STPG2: variants seen among roughly 807,000 people sequenced by gnomAD.
The protein encoded by STPG2 is sperm tail PG-rich repeat containing 2, also known as sperm-tail PG-rich repeat-containing protein 2.
In STPG2, 56 loss-of-function variants were observed where a neutral mutation model predicts 54.2. That is an observed-to-expected ratio of 1.03 (90% CI 0.83 to 1.29). The LOEUF (loss-of-function observed/expected upper bound fraction) is 1.29, where lower values mean the gene tolerates loss of function less well. STPG2 is among the 50% of genes most tolerant of loss of function. The pLI, the probability that STPG2 is intolerant of heterozygous loss-of-function variation, is 0.00. For synonymous variants in STPG2, 200 were observed against 181.8 expected (o/e 1.10, Z -0.81); for missense variants, 596 against 544.9 (o/e 1.09, Z -0.93).
At chr4:97,904,828 G>A (rs941888904) in intron 8 of STPG2, among the ~76,000 whole-genome samples, 7 of 152,210 alleles carry the variant, frequency 4.6e-5, no homozygotes, top group Admixed American at 2.0e-4. Context: ...CTCAGAAGCC[G>A]ATGCAATCAA....
At chr4:98,113,532 G>C (rs1739421082) in intron 3 of STPG2, among the ~76,000 whole-genome samples, 1 of 152,012 alleles carries the variant, frequency 6.6e-6, no homozygotes, top group Non-Finnish European at 1.5e-5. Context: ...CAGTGGGCTT[G>C]AATTATTGAT....
chr4:97,814,432 G>T (rs1261919739), intron 9 of STPG2, among the ~76,000 whole-genome samples: 1 of 152,060 alleles, frequency 6.6e-6, no homozygotes, highest in Admixed American at 6.6e-5. Flanking sequence ...AGGTTCAAGT[G>T]ATTCTCCTGC....
At chr4:97,484,644 T>C (rs950625645) in intron 4 of STPG2, among the ~76,000 whole-genome samples, 3 of 151,802 alleles carry the variant, frequency 2.0e-5, no homozygotes, top group African/African-American at 7.3e-5. Context: ...AAAGAAGAAT[T>C]GGTACCAATC....
intron 10 of STPG2, among the ~76,000 whole-genome samples, chr4:97,639,135 C>G (rs922360530): frequency 2.7e-4 from 41 of 152,026 alleles, no homozygotes; most frequent in Non-Finnish European, 4.9e-4. Context: ...GAAAATGTGG[C>G]ACATATACAC....
At chr4:97,597,508 C>T (rs113603267) in intron 10 of STPG2, among the ~76,000 whole-genome samples, 2,264 of 151,802 alleles carry the variant, frequency 0.015, 52 homozygotes, top group African/African-American at 0.052. Flanking sequence ...AAAGAAAATC[C>T]AGCAGTGATC....
At chr4:97,637,989 A>G (rs1721616899) in intron 10 of STPG2, among the ~76,000 whole-genome samples, 1 of 152,018 alleles carries the variant, frequency 6.6e-6, no homozygotes, top group Admixed American at 6.6e-5. Flanking sequence ...ATTGGAAAAA[A>G]CTACTTTAAA....
intron 10 of STPG2, among the ~76,000 whole-genome samples, chr4:97,661,985 T>A (rs1471727172): frequency 1.3e-5 from 2 of 152,154 alleles, no homozygotes; most frequent in East Asian, 3.8e-4. Flanking sequence ...TGATTTTGTA[T>A]CCTGAAACTT....
chr4:98,081,986 A>T (rs1738356499), intron 5 of STPG2, among the ~76,000 whole-genome samples: 1 of 152,208 alleles, frequency 6.6e-6, no homozygotes, highest in Non-Finnish European at 1.5e-5. Flanking sequence ...CAAGAAATAC[A>T]ATAATTAAGT....
At chr4:98,066,265 G>T (rs1737832364) in intron 5 of STPG2, among the ~76,000 whole-genome samples, 1 of 152,080 alleles carries the variant, frequency 6.6e-6, no homozygotes, top group Admixed American at 6.6e-5. Flanking sequence ...TAAGTTATTT[G>T]TCAAAACATA....
At chr4:97,712,915 G>A in intron 9 of STPG2, 101 bp from the exon 10 acceptor site, 1 of 695,034 alleles carries the variant, frequency 1.4e-6, no homozygotes, top group South Asian at 3.4e-5. Context: ...TATAAAATTA[G>A]CATGAAACAA....
intron 10 of STPG2, among the ~76,000 whole-genome samples, chr4:97,625,327 G>T (rs947385309): frequency 3.9e-5 from 6 of 152,062 alleles, no homozygotes; most frequent in Admixed American, 3.9e-4. Flanking sequence ...ATGCAAACTG[G>T]CCTCTTCCAA....
intron 10 of STPG2, among the ~76,000 whole-genome samples, chr4:97,649,255 A>C (rs1433014415): frequency 1.3e-5 from 2 of 152,088 alleles, no homozygotes; most frequent in African/African-American, 2.4e-5. Context: ...AGACCTGTGG[A>C]CCCAGAGTCC....
chr4:97,855,651 CAGA>C (rs1729311237), intron 8 of STPG2, among the ~76,000 whole-genome samples: 1 of 152,124 alleles, frequency 6.6e-6, no homozygotes, highest in Admixed American at 6.5e-5. Context: ...TTCTGCTGTG[CAGA>C]AGCTCTTTAG....
At chr4:97,734,932 G>A (rs2149029678) in intron 9 of STPG2, among the ~76,000 whole-genome samples, 1 of 152,120 alleles carries the variant, frequency 6.6e-6, no homozygotes, top group East Asian at 1.9e-4. Context: ...AATTAGCTGG[G>A]CATGGTGGCA....
At chr4:97,620,288 C>T (rs1343599107) in intron 10 of STPG2, among the ~76,000 whole-genome samples, 2 of 152,098 alleles carry the variant, frequency 1.3e-5, no homozygotes, top group African/African-American at 4.8e-5. Context: ...AGGAAAATTC[C>T]CTTCTTTGTG....
intron 4 of STPG2, among the ~76,000 whole-genome samples, chr4:97,503,251 C>G (rs1270545740): frequency 6.6e-6 from 1 of 151,824 alleles, no homozygotes; most frequent in Non-Finnish European, 1.5e-5. Flanking sequence ...TAAAGTCAGC[C>G]ATTGTGGAAG....
chr4:97,624,519 TA>T (rs1734091106), intron 10 of STPG2, among the ~76,000 whole-genome samples: 1 of 152,222 alleles, frequency 6.6e-6, no homozygotes, highest in Non-Finnish European at 1.5e-5. Context: ...AAATTCTGGA[TA>T]TTAGACCTCT....
chr4:97,891,514 G>A (rs1281816480), intron 8 of STPG2, among the ~76,000 whole-genome samples: 1 of 151,878 alleles, frequency 6.6e-6, no homozygotes. Context: ...TATCTAAATA[G>A]CAAGAACAAT....
chr4:97,877,976 CAAATGGGAA>C (rs1364153475), intron 8 of STPG2, among the ~76,000 whole-genome samples: 2 of 152,118 alleles, frequency 1.3e-5, no homozygotes, highest in Non-Finnish European at 2.9e-5. Flanking sequence ...ACAGCCATTC[CAAATGGGAA>C]AAATTGGCCA....
Sources: allele counts gnomAD v4.1 joint callset (sites outside exome capture counted in the v4.1 genomes callset), GRCh38; gene constraint gnomAD v4.1.1; transcripts MANE v1.5; gene names NCBI Gene and HGNC (gene_info 2026-07-23, HGNC 2026-07-21).